Variants in MPP3 observed in about 807,000 individuals in gnomAD.
The protein encoded by MPP3 is MAGUK p55 scaffold protein 3.
MPP3 carries 48 observed loss-of-function variants against 80.7 expected under a neutral mutation model. That is an observed-to-expected ratio of 0.59 (90% CI 0.47 to 0.76). The LOEUF (loss-of-function observed/expected upper bound fraction) is 0.76. Among genes scored for constraint, MPP3 ranks in the 30% least tolerant of loss-of-function variants. The pLI is 0.00. For synonymous variants in MPP3, 311 were observed against 297.6 expected (o/e 1.04, Z -0.46); for missense variants, 620 against 763.0 (o/e 0.81, Z 2.21).
At chr17:43,829,965 TC>T in intron 6 of MPP3, 61 bp downstream of exon 6, 1 of 1,571,910 alleles carries the variant, frequency 6.4e-7, no homozygotes, top group South Asian at 1.1e-5. Flanking sequence ...TTAGGAGAGC[TC>T]CCTCCGCCCC....
rs142229067 is a variant in MPP3, at chr17:43,829,684, G to T, written c.411C>A (p.Ile137=). ...DEDFDEESVK[I]VRLVKNKEPL... ...GTTCCTTGTTCTTCACCAAGCGGACGATCTTCACCGATTCCTCATCAAAAT... is the reference window on the plus strand; with the variant it reads ...GTTCCTTGTTCTTCACCAAGCGGACTATCTTCACCGATTCCTCATCAAAAT... Residue 137 remains isoleucine, a synonymous_variant, in exon 7 of 20, where the codon ATC becomes ATA. Transcript: ENST00000398389. 6.2e-7 allele frequency: 1 copy of T among 1,613,936 alleles called. No homozygotes were observed. Among genetic ancestry groups the T allele is most frequent in the Non-Finnish European group, 8.5e-7 (1 of 1,180,004 alleles).
chr17:43,821,430 T>C (rs2045456048), intron 10 of MPP3, among the ~76,000 whole-genome samples: 1 of 152,244 alleles, frequency 6.6e-6, no homozygotes, highest in African/African-American at 2.4e-5. Context: ...AACTCAAGTG[T>C]TATTTTTGAT....
At chr17:43,819,494 C>T (rs555537990) in intron 11 of MPP3, among the ~76,000 whole-genome samples, 2 of 152,324 alleles carry the variant, frequency 1.3e-5, no homozygotes, top group Admixed American at 6.5e-5. Flanking sequence ...TGGATGAGGG[C>T]GCAGCCTCCT....
chr17:43,824,574 C>T (rs757914086), intron 9 of MPP3, among the ~76,000 whole-genome samples: 1 of 152,092 alleles, frequency 6.6e-6, no homozygotes, highest in Non-Finnish European at 1.5e-5. Context: ...AGGGGCCCAA[C>T]AAAGGAAGAA....
chr17:43,803,577 CAG>C (rs762816306), intron 19 of MPP3, among the ~76,000 whole-genome samples: 10 of 152,124 alleles, frequency 6.6e-5, no homozygotes, highest in Admixed American at 1.3e-4. Context: ...AGCAAGGAAA[CAG>C]AGGATGTTTT....
At chr17:43,817,058 C>T (rs549884258) in intron 12 of MPP3, among the ~76,000 whole-genome samples, 2 of 152,304 alleles carry the variant, frequency 1.3e-5, no homozygotes, top group African/African-American at 4.8e-5. Context: ...TCTCTCTTTT[C>T]TGGGGTTGGA....
chr17:43,818,088 C>T lies in MPP3; in HGVS notation c.904G>A (p.Ala302Thr), dbSNP rs910532990. The T allele has an allele frequency of 5.7e-5, 90 of 1,568,320 alleles. No individual in the cohort carries two copies. The highest frequency in any genetic ancestry group is 7.2e-5 in the Non-Finnish European group (83 of 1,156,156). ...QERRLSYRRAAGTLPSPQSLR... is the reference protein window; with the variant it reads ...QERRLSYRRATGTLPSPQSLR... Reference sequence around the variant, plus strand: ...CTCTGGGGGCTCGGCAGGGTGCCCGCGGCTCTCCGGTAGCTTAGTCGTCTG... The same window carrying T: ...CTCTGGGGGCTCGGCAGGGTGCCCGTGGCTCTCCGGTAGCTTAGTCGTCTG... Residue 302 changes from alanine to threonine, a missense_variant, in exon 12 of 20, where the codon GCG becomes ACG. Ala to Thr is a moderately conservative substitution (Grantham distance 58). Transcript: ENST00000398389.
intron 16 of MPP3, among the ~76,000 whole-genome samples, chr17:43,812,155 A>G (rs2074827845): frequency 6.6e-6 from 1 of 152,342 alleles, no homozygotes; most frequent in Non-Finnish European, 1.5e-5. Context: ...ATTGATTTCC[A>G]TAACAGAATT....
chr17:43,810,028 A>G (rs2044780477), intron 18 of MPP3, among the ~76,000 whole-genome samples: 1 of 152,188 alleles, frequency 6.6e-6, no homozygotes. Flanking sequence ...TTCAAAGAAA[A>G]TTTTGAAACT....
rs762951847 is a variant in MPP3 at position 43,809,036 on chromosome 17, T to C, written c.1501A>G (p.Ile501Val). Residue 501 changes from isoleucine (I) to valine (V), a missense_variant, in exon 19 of 20, where the codon ATA becomes GTA. Ile to Val is a conservative substitution (Grantham distance 29, BLOSUM62 3). Transcript: ENST00000398389. ...LRTSEFKPYI[I>V]FVKPAIQEKR... ...TCCTGAATTGCAGGCTTTACAAATA[T>C]AATATAGGGTTTAAATTCTGAGGTC... The C allele has an allele frequency of 3.1e-6, 5 of 1,606,480 alleles. No individual in the cohort carries two copies. In the East Asian group the frequency reaches 6.7e-5, roughly 21 times the overall value.
At chr17:43,827,648 G>T in intron 8 of MPP3, 103 bp downstream of exon 8, 1 of 1,050,250 alleles carries the variant, frequency 9.5e-7, no homozygotes, top group Non-Finnish European at 1.4e-6. Context: ...CCAAACAGGT[G>T]ACCTGATAGG....
rs2044402862 is a variant in MPP3, at chr17:43,801,393, C to T, written c.*308G>A. On this transcript the variant is annotated 3_prime_UTR_variant, in exon 20 of 20. Transcript: ENST00000398389. ...TACTGTATAAATTAACCACTACCACCCACAAAAGACAGTGGCTACTTAACT... is the reference window on the plus strand; with the variant it reads ...TACTGTATAAATTAACCACTACCACTCACAAAAGACAGTGGCTACTTAACT... 3.0e-6 allele frequency: 1 copy of T among 336,860 alleles called. No homozygotes were observed. The highest frequency in any genetic ancestry group is 2.2e-5 in the African/African-American group (1 of 46,010). 20.9% of individuals were successfully genotyped at this position (336,860 alleles called of 1,614,324 possible).
intron 14 of MPP3, 185 bp from the exon 15 acceptor site, chr17:43,814,546 C>T (rs1567806058): frequency 3.7e-6 from 2 of 542,046 alleles, no homozygotes; most frequent in Non-Finnish European, 6.3e-6. Context: ...AAGGGTGACC[C>T]CTGCATTCAC....
chr17:43,823,845 C>T (rs757869519), intron 10 of MPP3, 86 bp downstream of exon 10: 44 of 926,980 alleles, frequency 4.7e-5, no homozygotes, highest in Non-Finnish European at 6.3e-5. Flanking sequence ...ATGACTGTTA[C>T]AAGAGACTGG....
intron 14 of MPP3, 118 bp downstream of exon 14, chr17:43,815,920 G>A (rs2045103596): frequency 1.1e-6 from 1 of 942,588 alleles, no homozygotes; most frequent in Admixed American, 3.1e-5. Context: ...GGGTCCCATA[G>A]GCTCCACTGC....
At position 43,801,722 on chromosome 17, in the gene MPP3, T is replaced by C; in HGVS notation, c.1737A>G (p.Val579=). The C allele has an allele frequency of 6.2e-7, 1 of 1,614,132 alleles. No homozygotes were observed. Among genetic ancestry groups the C allele is most frequent in the African/African-American group, 1.3e-5 (1 of 75,056 alleles). Residue 579 remains valine, a synonymous_variant, in exon 20 of 20, where the codon GTA becomes GTG. Coordinates refer to ENST00000398389, the MANE Select transcript of MPP3 (RefSeq NM_001932.6). ...LEKLSKDTHW[V]PVSWVR is the part of the protein sequence containing the mutation. ...AAAGTTACCTGACCCAACTAACAGG[T>C]ACCCAGTGAGTGTCCTTGCTCAGCT...
chr17:43,815,727 G>A (rs2045086688), intron 14 of MPP3: 2 of 584,844 alleles, frequency 3.4e-6, no homozygotes, highest in Non-Finnish European at 6.3e-6. Context: ...GCGTGGTAGT[G>A]GTGTTAATAT....
At chr17:43,815,175 T>C (rs984233948) in intron 14 of MPP3, among the ~76,000 whole-genome samples, 3 of 150,816 alleles carry the variant, frequency 2.0e-5, no homozygotes, top group African/African-American at 4.9e-5. Context: ...CTACAAAAAA[T>C]ACAAAAATTA....
At chr17:43,803,958 A>G (rs771137186) in intron 19 of MPP3, among the ~76,000 whole-genome samples, 2 of 152,204 alleles carry the variant, frequency 1.3e-5, no homozygotes, top group Non-Finnish European at 2.9e-5. Context: ...AAAACCGGCC[A>G]GGCTGGAAGG....
Sources: gnomAD v4.1 joint callset for allele counts (sites outside exome capture counted in the v4.1 genomes callset) on GRCh38, gnomAD v4.1.1 for gene constraint, MANE v1.5 for transcripts, NCBI Gene and HGNC (gene_info 2026-07-23, HGNC 2026-07-21) for gene names.